DNER: variants seen among roughly 807,000 people sequenced by gnomAD.
DNER encodes the protein delta and Notch-like epidermal growth factor-related receptor.
In DNER, 33 loss-of-function variants were observed where a neutral mutation model predicts 78.2. The observed-to-expected ratio is 0.42, with a 90% CI of 0.32 to 0.56. The LOEUF (loss-of-function observed/expected upper bound fraction) is 0.56, where lower values mean the gene tolerates loss of function less well. Among genes scored for constraint, DNER ranks in the 20% least tolerant of loss-of-function variants. DNER has a pLI of 0.11. For synonymous variants in DNER, 417 were observed against 384.8 expected (o/e 1.08, Z -0.98); for missense variants, 918 against 975.3 (o/e 0.94, Z 0.78).
intron 7 of DNER, among the ~76,000 whole-genome samples, chr2:229,454,280 T>G (rs372519550): frequency 6.6e-6 from 1 of 152,218 alleles, no homozygotes; most frequent in Non-Finnish European, 1.5e-5. Context: ...TAATAGGAGC[T>G]ACAGGATTGT....
At chr2:229,533,367 A>G (rs891410840) in intron 5 of DNER, among the ~76,000 whole-genome samples, 1 of 152,192 alleles carries the variant, frequency 6.6e-6, no homozygotes, top group African/African-American at 2.4e-5. Flanking sequence ...CCAAAGATGT[A>G]AAAACAATAG....
chr2:229,486,424 A>C (rs1431005011), intron 6 of DNER, among the ~76,000 whole-genome samples: 1 of 152,160 alleles, frequency 6.6e-6, no homozygotes, highest in Non-Finnish European at 1.5e-5. Context: ...TAATCTCAAC[A>C]TTGGGGAAAA....
At chr2:229,554,727 G>A (rs761204211) in intron 4 of DNER, among the ~76,000 whole-genome samples, 24 of 151,682 alleles carry the variant, frequency 1.6e-4, no homozygotes, top group African/African-American at 4.6e-4. Context: ...TTAGTTGGGC[G>A]TGATGGCACA....
At chr2:229,683,112 T>C (rs1699416202) in intron 1 of DNER, among the ~76,000 whole-genome samples, 5 of 152,246 alleles carry the variant, frequency 3.3e-5, no homozygotes, top group Non-Finnish European at 7.3e-5. Flanking sequence ...TCCACACTGA[T>C]GACAATAACT....
chr2:229,453,989 A>C (rs1694517891), intron 7 of DNER, among the ~76,000 whole-genome samples: 1 of 151,886 alleles, frequency 6.6e-6, no homozygotes, highest in Admixed American at 6.6e-5. Context: ...AAACAATGGA[A>C]GAGAGAATGT....
chr2:229,688,283 C>A (rs1394427028), intron 1 of DNER, among the ~76,000 whole-genome samples: 2 of 152,200 alleles, frequency 1.3e-5, no homozygotes, highest in African/African-American at 4.8e-5. Context: ...CTATCCCAGA[C>A]TTCTCTGTAG....
Position 229,407,316 on chromosome 2 carries a change from A to G in DNER, c.1639T>C (p.Cys547Arg). The change falls in exon 10 of 13, where the codon TGC becomes CGC. Residue 547 changes from cysteine (C) to arginine (R), a missense_variant. Coordinates refer to ENST00000341772, the MANE Select transcript of DNER (RefSeq NM_139072.4). Reference protein sequence around the residue: ...GTHCELYKDPCANVSCLNGAT... With the variant: ...GTHCELYKDPRANVSCLNGAT... ...CCGTTCAGACAGCTGACGTTAGCGCAGGGATCCTTGTACAATTCACAGTGT... is the reference window on the plus strand; with the variant it reads ...CCGTTCAGACAGCTGACGTTAGCGCGGGGATCCTTGTACAATTCACAGTGT... 6.2e-7 allele frequency: 1 copy of G among 1,613,956 alleles called. No individual in the cohort carries two copies. The highest frequency in any genetic ancestry group is 8.5e-7 in the Non-Finnish European group (1 of 1,179,842).
intron 6 of DNER, among the ~76,000 whole-genome samples, chr2:229,482,054 C>A (rs937651388): frequency 2.6e-5 from 4 of 152,222 alleles, no homozygotes; most frequent in African/African-American, 9.6e-5. Flanking sequence ...CAATGATAAA[C>A]TCCCTTATTT....
At chr2:229,604,280 AAG>A (rs1441349748) in intron 1 of DNER, among the ~76,000 whole-genome samples, 1 of 152,250 alleles carries the variant, frequency 6.6e-6, no homozygotes, top group Non-Finnish European at 1.5e-5. Context: ...AGAATAAATA[AAG>A]AACAAATGAC....
chr2:229,626,305 C>T (rs1574934114), intron 1 of DNER, among the ~76,000 whole-genome samples: 2 of 152,174 alleles, frequency 1.3e-5, no homozygotes, highest in South Asian at 2.1e-4. Context: ...GAAGGAGGAA[C>T]GCAATCCGCT....
In DNER at chr2:229,710,053, T is replaced by C. The variant is rs116803367; in HGVS notation, c.276+4095A>G. On this transcript the variant is annotated intron_variant, in intron 1 of 12. Transcript: ENST00000341772. ...AAACCTATCAGAAACATTTTTTTTA[T>C]GTAGTGTCCATTTGCTTGCCATCAT... Among the ~76,000 whole-genome samples, 1,205 of 152,304 alleles carry C rather than the reference T, an allele frequency of 7.9e-3. 18 individuals are homozygous for C. Among genetic ancestry groups the C allele is most frequent in the African/African-American group, 0.027 (1,136 of 41,538 alleles).
At chr2:229,533,016 T>C (rs924723990) in intron 5 of DNER, among the ~76,000 whole-genome samples, 12 of 152,176 alleles carry the variant, frequency 7.9e-5, no homozygotes, top group Non-Finnish European at 1.3e-4. Flanking sequence ...AATCTGCTTT[T>C]AGTAGATTGA....
chr2:229,676,006 T>G (rs993901444), intron 1 of DNER, among the ~76,000 whole-genome samples: 2 of 152,184 alleles, frequency 1.3e-5, no homozygotes, highest in Non-Finnish European at 2.9e-5. Context: ...CTGCTGCTCA[T>G]GTGAAATCCC....
chr2:229,614,027 G>C (rs1481886300), intron 1 of DNER, among the ~76,000 whole-genome samples: 1 of 151,288 alleles, frequency 6.6e-6, no homozygotes, highest in Non-Finnish European at 1.5e-5. Context: ...GGCCTGTTGT[G>C]GGGTGGGGGG....
chr2:229,547,930 AATT>A (rs1280463373), intron 4 of DNER, among the ~76,000 whole-genome samples: 1 of 152,242 alleles, frequency 6.6e-6, no homozygotes, highest in Non-Finnish European at 1.5e-5. Flanking sequence ...TCAAGGATTA[AATT>A]ATTTTCACTA....
At chr2:229,641,519 C>CCA (rs1303679482) in intron 1 of DNER, among the ~76,000 whole-genome samples, 1 of 111,446 alleles carries the variant, frequency 9.0e-6, no homozygotes, top group Non-Finnish European at 1.7e-5. Context: ...TCCCCCCGCC[C>CCA]CACACACACA....
intron 5 of DNER, among the ~76,000 whole-genome samples, chr2:229,537,171 G>A (rs542275917): frequency 8.4e-4 from 128 of 152,118 alleles, no homozygotes; most frequent in African/African-American, 2.9e-3. Context: ...TATGATTCAC[G>A]TGCACATTAA....
chr2:229,407,879 A>T (rs1320998299), intron 9 of DNER, among the ~76,000 whole-genome samples: 2 of 152,168 alleles, frequency 1.3e-5, no homozygotes, highest in Non-Finnish European at 2.9e-5. Context: ...TCACAACAAC[A>T]CTATGAGACA....
At position 229,714,212 on chromosome 2, in the gene DNER, G is replaced by T; in HGVS notation, c.212C>A (p.Ala71Asp). ...SRPEPDPQHPAPAGEPGYSCT... is the reference protein window; with the variant it reads ...SRPEPDPQHPDPAGEPGYSCT... ...GCTGTAGCCAGGCTCGCCGGCGGGG[G>T]CCGGGTGCTGCGGGTCCGGCTCAGG... Residue 71 changes from alanine (A) to aspartate (D), a missense_variant, in exon 1 of 13, where the codon GCC becomes GAC. Coordinates refer to ENST00000341772, the MANE Select transcript of DNER (RefSeq NM_139072.4). 7.2e-7 allele frequency: 1 copy of T among 1,389,504 alleles called. No individual in the cohort carries two copies. Among genetic ancestry groups the T allele is most frequent in the Non-Finnish European group, 9.3e-7 (1 of 1,074,846 alleles). The allele number at this position is 1,389,504 out of a possible 1,614,324, so 86.1% of individuals were successfully genotyped here. A position where few individuals can be genotyped will look rare whatever the true frequency, so the allele number is the denominator to read the frequency against.
Sources: gnomAD v4.1 joint callset for allele counts (sites outside exome capture counted in the v4.1 genomes callset) on GRCh38, gnomAD v4.1.1 for gene constraint, MANE v1.5 for transcripts, NCBI Gene and HGNC (gene_info 2026-07-23, HGNC 2026-07-21) for gene names.